CELF2: variants seen among roughly 807,000 people sequenced by gnomAD.
CELF2 encodes CUGBP Elav-like family member 2.
Under a neutral mutation model 62.6 loss-of-function variants are expected in CELF2, and 8 were observed. The ratio of observed to expected loss-of-function variants is 0.13; its 90% confidence interval spans 0.07 to 0.23. The LOEUF is 0.23. Among genes scored for constraint, CELF2 ranks in the 10% least tolerant of loss-of-function variants. The pLI, the probability that CELF2 is intolerant of heterozygous loss-of-function variation, is 1.00. For missense variants in CELF2, 333 were observed against 671.0 expected, an observed-to-expected ratio of 0.50 and a Z score of 5.56; for synonymous variants, 258 against 250.0, an observed-to-expected ratio of 1.03 and a Z score of -0.30.
At chr10:10,524,864 C>A in the CELF2 span, among the ~76,000 whole-genome samples, 1 of 152,012 alleles carries the variant, frequency 6.6e-6, no homozygotes, top group Non-Finnish European at 1.5e-5. Context: ...TGTTTCATGC[C>A]TGGAAGCCAA....
the CELF2 span, among the ~76,000 whole-genome samples, chr10:10,619,149 C>T: frequency 1.3e-5 from 2 of 152,206 alleles, no homozygotes; most frequent in African/African-American, 4.8e-5. Context: ...TTTACCTATG[C>T]AAGCTTCAAG....
chr10:10,897,696 G>A (rs997669912), intron 1 of CELF2, among the ~76,000 whole-genome samples: 6 of 152,286 alleles, frequency 3.9e-5, no homozygotes, highest in East Asian at 1.9e-4. Flanking sequence ...TCGTGTAATA[G>A]TATGGATCTC....
upstream of CELF2, chr10:10,798,347 G>A (rs2054287686): frequency 6.2e-6 from 1 of 160,836 alleles, no homozygotes; most frequent in Non-Finnish European, 1.4e-5. Context: ...CCCCCAAGGA[G>A]GGGAAGGCTG....
chr10:10,851,536 A>T (rs1227324410), intron 1 of CELF2, among the ~76,000 whole-genome samples: 1 of 152,216 alleles, frequency 6.6e-6, no homozygotes, highest in Non-Finnish European at 1.5e-5. Context: ...GTAGGCAAAG[A>T]TTTCTTAGAT....
chr10:11,224,547 A>T lies in CELF2; in HGVS notation c.354+7040A>T, dbSNP rs2065869876. 6.6e-6 allele frequency among the ~76,000 whole-genome samples: 1 copy of T among 152,168 alleles called. No homozygotes were observed. The stretch of plus-strand genomic sequence containing the variant: ...GGGAGGCGGGGGATCCATGAATTTG[A>T]TTAAAGGTCTGCATGGAATTACAGA... On this transcript the variant is annotated intron_variant, in intron 3 of 12. Coordinates refer to ENST00000633077, the MANE Select transcript of CELF2 (RefSeq NM_001326342.2). The surrounding 1 kb of genome is among the most constrained non-coding windows in gnomAD (Gnocchi z 4.5).
rs1245843163 is a variant in CELF2 at position 11,075,552 on chromosome 10, A to G, written c.74+57389A>G. Reference sequence around the variant, plus strand: ...TCTGCAAAGAGCTCTAAGAAACTCAAAAGAAGGCTGCTGTGTAAATTAAGT... The same window carrying G: ...TCTGCAAAGAGCTCTAAGAAACTCAGAAGAAGGCTGCTGTGTAAATTAAGT... On this transcript the variant is annotated intron_variant, in intron 1 of 12. Coordinates refer to ENST00000633077, the MANE Select transcript of CELF2 (RefSeq NM_001326342.2). The surrounding 1 kb of genome is among the most constrained non-coding windows in gnomAD (Gnocchi z 5.4). Among the ~76,000 whole-genome samples the G allele has an allele frequency of 6.6e-6, 1 of 152,202 alleles. No homozygotes were observed. The highest frequency in any genetic ancestry group is 1.5e-5 in the Non-Finnish European group (1 of 68,040).
chr10:11,017,004 C>T (rs2057343620), upstream of CELF2, among the ~76,000 whole-genome samples: 1 of 152,182 alleles, frequency 6.6e-6, no homozygotes, highest in Admixed American at 6.5e-5. This position sits in a 1 kb window ranked among gnomAD's most constrained non-coding sequence, Gnocchi z 5.5. Context: ...AAAAGTTTGC[C>T]ACCCACATAA....
chr10:10,898,432 A>T (rs558540475), intron 1 of CELF2, among the ~76,000 whole-genome samples: 1 of 152,356 alleles, frequency 6.6e-6, no homozygotes, highest in South Asian at 2.1e-4. Flanking sequence ...ATCAGCCCTA[A>T]GTAACTAATA....
At chr10:10,770,231 A>G in the CELF2 span, among the ~76,000 whole-genome samples, 2 of 152,130 alleles carry the variant, frequency 1.3e-5, no homozygotes, top group East Asian at 3.9e-4. Context: ...TAATATTGAC[A>G]TCTCATAGAA....
At chr10:10,581,667 A>G in the CELF2 span, among the ~76,000 whole-genome samples, 1 of 152,212 alleles carries the variant, frequency 6.6e-6, no homozygotes, top group East Asian at 1.9e-4. Flanking sequence ...AATTATTTTG[A>G]AAATCAAATA....
chr10:10,711,332 T>C, the CELF2 span, among the ~76,000 whole-genome samples: 1 of 152,248 alleles, frequency 6.6e-6, no homozygotes, highest in African/African-American at 2.4e-5. Flanking sequence ...ATTATAGAAT[T>C]AATATTTGTA....
chr10:10,610,398 T>G, the CELF2 span, among the ~76,000 whole-genome samples: 1 of 152,240 alleles, frequency 6.6e-6, no homozygotes, highest in East Asian at 1.9e-4. Context: ...TCATTCTGAA[T>G]TTTAGAACAT....
At chr10:11,128,418 T>G (rs1209711604) in intron 1 of CELF2, among the ~76,000 whole-genome samples, 1 of 152,224 alleles carries the variant, frequency 6.6e-6, no homozygotes, top group Non-Finnish European at 1.5e-5. Flanking sequence ...GTGAAGAAAG[T>G]CATTGGTAGC....
rs1554936936 is a variant in CELF2, at chr10:11,197,083, G to GAAGAAAGA, written c.272-20336_272-20329dup. Among the ~76,000 whole-genome samples, 609 of 114,804 alleles carry GAAGAAAGA rather than the reference G, an allele frequency of 5.3e-3. 67 individuals carry two copies. Among genetic ancestry groups the GAAGAAAGA allele is most frequent in the African/African-American group, 0.02 (587 of 28,644 alleles). 75.3% of individuals were successfully genotyped at this position (114,804 alleles called of 152,430 possible). A position where few individuals can be genotyped will look rare whatever the true frequency, so the allele number is the denominator to read the frequency against. Reference sequence around the variant, plus strand: ...AAAAGAAAGAAAGGAAAGAAAGAAAGAAGAAAGAAAGAAGGGTTCCCATTG... The same window carrying GAAGAAAGA: ...AAAAGAAAGAAAGGAAAGAAAGAAAGAAGAAAGAAAGAAAGAAAGAAGGGTTCCCATTG... On this transcript the variant is annotated intron_variant, in intron 2 of 12. Coordinates refer to ENST00000633077, the MANE Select transcript of CELF2 (RefSeq NM_001326342.2).
chr10:10,576,654 C>T, the CELF2 span, among the ~76,000 whole-genome samples: 1 of 152,056 alleles, frequency 6.6e-6, no homozygotes, highest in Non-Finnish European at 1.5e-5. Context: ...ATCCGTTAAC[C>T]ATCTCTCTAC....
the CELF2 span, among the ~76,000 whole-genome samples, chr10:10,606,329 A>G: frequency 2.0e-5 from 3 of 152,234 alleles, no homozygotes; most frequent in Non-Finnish European, 4.4e-5. Context: ...AATTCACTGG[A>G]CAGAGAATAA....
chr10:10,943,565 C>T (rs1417220733), intron 2 of CELF2, among the ~76,000 whole-genome samples: 3 of 152,144 alleles, frequency 2.0e-5, no homozygotes, highest in African/African-American at 7.2e-5. Context: ...GAAGAACTAG[C>T]TATATCAGCT....
rs1319193991 is a variant in CELF2 at position 11,157,989 on chromosome 10, A to T, written c.75-7497A>T. ...GGTCCCTTTAATCATTTGTTGTTGG[A>T]CTGTGGAGGCAGTGGGGGACATTGT... is the stretch of plus-strand genomic sequence containing the variant. On this transcript the variant is annotated intron_variant, in intron 1 of 12. Coordinates refer to ENST00000633077, the MANE Select transcript of CELF2 (RefSeq NM_001326342.2). This position sits in a 1 kb window ranked among gnomAD's most constrained non-coding sequence, Gnocchi z 4.9. Among the ~76,000 whole-genome samples the T allele has an allele frequency of 6.6e-6, 1 of 152,058 alleles. No homozygotes were observed. Among genetic ancestry groups the T allele is most frequent in the Non-Finnish European group, 1.5e-5 (1 of 68,008 alleles).
At chr10:10,865,618 A>G (rs980398338) in intron 1 of CELF2, among the ~76,000 whole-genome samples, 8 of 152,182 alleles carry the variant, frequency 5.3e-5, no homozygotes, top group Non-Finnish European at 1.2e-4. Flanking sequence ...TCAAATTCTC[A>G]GATTTGCTCT....
Sources: gnomAD v4.1 joint callset for allele counts (sites outside exome capture counted in the v4.1 genomes callset) on GRCh38, gnomAD v4.1.1 for gene constraint, Gnocchi (gnomAD v3.1) non-coding constraint, MANE v1.5 for transcripts, NCBI Gene and HGNC (gene_info 2026-07-23, HGNC 2026-07-21) for gene names.